MTERF3: variants seen among roughly 807,000 people sequenced by gnomAD.
The protein encoded by MTERF3 is transcription termination factor 3, mitochondrial.
In MTERF3, 40 loss-of-function variants were observed where a neutral mutation model predicts 40.5. The observed-to-expected ratio is 0.99, with a 90% CI of 0.77 to 1.29. MTERF3 has a LOEUF of 1.29. Among genes scored for constraint, MTERF3 ranks in the 50% most tolerant of loss-of-function variants. The probability of loss-of-function intolerance (pLI) is 0.00; values close to 1 mark genes in which losing one functional copy is unlikely to be tolerated. For synonymous variants in MTERF3, 158 were observed against 166.6 expected (o/e 0.95, Z 0.40); for missense variants, 452 against 478.2 (o/e 0.95, Z 0.51).
chr8:96,245,922 G>C lies in MTERF3; in HGVS notation c.835C>G (p.Leu279Val), dbSNP rs1269893515. ...AGCAGCCTTGGGAGACGAACTACCA[G>C]ATCTCTAGTCTGTGGTTGCAAACAA... is the stretch of plus-strand genomic sequence containing the variant. ...LELSVKKTRD[L>V]VVRLPRLLTG... Residue 279 changes from leucine (L) to valine (V), a missense_variant, in exon 6 of 8, where the codon CTG (leucine) becomes GTG (valine). Physicochemically the swap from Leu to Val is conservative, Grantham distance 32. Transcript: ENST00000287025. 1 of 1,613,784 alleles carries C rather than the reference G, an allele frequency of 6.2e-7. No homozygotes were observed. Among genetic ancestry groups the C allele is most frequent in the Non-Finnish European group, 8.5e-7 (1 of 1,179,892 alleles).
chr8:96,242,634 T>C (rs1809949915), intron 7 of MTERF3, among the ~76,000 whole-genome samples: 1 of 152,212 alleles, frequency 6.6e-6, no homozygotes. Context: ...TTAATACAAA[T>C]AAAGCAATAA....
At position 96,258,174 on chromosome 8, in the gene MTERF3, A is replaced by G. The variant is rs530433664; in HGVS notation, c.334+183T>C. 4.3e-4 allele frequency: 397 copies of G among 919,778 alleles called. 3 individuals are homozygous for G. The African/African-American group carries it at 6.6e-3, about 15-fold the overall frequency. The allele number at this position is 919,778 out of a possible 1,614,324, so 57.0% of individuals were successfully genotyped here. ...ATAAAATAATCTTACACGTTAGCCC[A>G]CAAACTTTTTTTCTTACCAGTAAAA... On this transcript the variant is annotated intron_variant, in intron 2 of 7. Coordinates refer to ENST00000287025, the MANE Select transcript of MTERF3 (RefSeq NM_015942.5).
chr8:96,250,944 A>C lies in MTERF3; in HGVS notation c.639T>G (p.His213Gln), dbSNP rs1810171800. The change falls in exon 4 of 8, where the codon CAT becomes CAG. Residue 213 changes from histidine (H) to glutamine (Q), a missense_variant. Coordinates refer to ENST00000287025, the MANE Select transcript of MTERF3 (RefSeq NM_015942.5). ...NQLGAFLTKN[H>Q]AIFSEDLENL... ...TTTCAAGGTCTTCAGAGAAAATTGC[A>C]TGATTTTTTGTCAGGAATGCTCCCA... is the stretch of plus-strand genomic sequence containing the variant. 1 of 1,609,408 alleles carries C rather than the reference A, an allele frequency of 6.2e-7. No homozygotes were observed. Among genetic ancestry groups the C allele is most frequent in the Non-Finnish European group, 8.5e-7 (1 of 1,178,982 alleles).
At position 96,256,234 on chromosome 8, in the gene MTERF3, A is replaced by G. The variant is rs543672409; in HGVS notation, c.487+728T>C. Among the ~76,000 whole-genome samples, 201 of 152,360 alleles carry G rather than the reference A, an allele frequency of 1.3e-3. 1 individual carries two copies. The highest frequency in any genetic ancestry group is 2.4e-3 in the Admixed American group (36 of 15,306). On this transcript the variant is annotated intron_variant, in intron 3 of 7. Coordinates refer to ENST00000287025, the MANE Select transcript of MTERF3 (RefSeq NM_015942.5). ...AGATCCAAGTGCAACCTAATGGTCAACAAGTGAAGGCAGCTATAGAGTAGG... is the reference window on the plus strand; with the variant it reads ...AGATCCAAGTGCAACCTAATGGTCAGCAAGTGAAGGCAGCTATAGAGTAGG...
rs1809977341 is a variant in MTERF3, at chr8:96,244,045, T to A, written c.933A>T (p.Glu311Asp). 8.1e-6 allele frequency: 13 copies of A among 1,613,718 alleles called. No homozygotes were observed. The East Asian group carries it at 2.9e-4, about 36-fold the overall frequency. The part of the protein sequence containing the change: ...YRLELGFKHN[E>D]IQHMITRIPK... ...GGATTCTGGTGATCATATGTTGAAT[T>A]TCGTTATGTTTAAAACCAAGTTCAA... The change falls in exon 7 of 8, where the codon GAA (glutamate) becomes GAT (aspartate). Residue 311 changes from glutamate (E) to aspartate (D), a missense_variant. Glu to Asp is a conservative substitution (Grantham distance 45). Transcript: ENST00000287025.
chr8:96,245,487 T>G (rs1810004435), intron 6 of MTERF3, among the ~76,000 whole-genome samples: 1 of 152,190 alleles, frequency 6.6e-6, no homozygotes, highest in African/African-American at 2.4e-5. Context: ...ATACACAGAC[T>G]GTCATGCTGG....
At chr8:96,249,140 G>C (rs1810075798) in intron 4 of MTERF3, among the ~76,000 whole-genome samples, 1 of 152,208 alleles carries the variant, frequency 6.6e-6, no homozygotes, top group Admixed American at 6.5e-5. Flanking sequence ...TAAATGTAGA[G>C]ACAGTGTGTA....
chr8:96,251,050 A>G lies in MTERF3; in HGVS notation c.533T>C (p.Leu178Pro), dbSNP rs776135078. The G allele has an allele frequency of 1.3e-6, 2 of 1,594,214 alleles. No homozygotes were observed. Among genetic ancestry groups the G allele is most frequent in the Non-Finnish European group, 1.7e-6 (2 of 1,175,294 alleles). The change falls in exon 4 of 8, where the codon CTC (leucine) becomes CCC (proline). Residue 178 changes from leucine (L) to proline (P), a missense_variant. Physicochemically the swap from Leu to Pro is moderately conservative, Grantham distance 98 (BLOSUM62 -3). Coordinates refer to ENST00000287025, the MANE Select transcript of MTERF3 (RefSeq NM_015942.5). ...TTTTTCAAAATCCAGTCTCAGAAGGAGGTTTGCTGCTTCTGGATGTTTTTC... is the reference window on the plus strand; with the variant it reads ...TTTTTCAAAATCCAGTCTCAGAAGGGGGTTTGCTGCTTCTGGATGTTTTTC... ...KIEKHPEAAN[L>P]LLRLDFEKDI...
intron 2 of MTERF3, 155 bp from the exon 3 acceptor site, chr8:96,257,269 A>G: frequency 1.5e-6 from 1 of 687,756 alleles, no homozygotes; most frequent in Non-Finnish European, 2.3e-6. Context: ...ACCTTTTAAG[A>G]GGTAAGGTTA....
rs1423256451 is a variant in MTERF3, at chr8:96,239,630, A to C, written c.1115T>G (p.Leu372Ter). The C allele has an allele frequency of 6.2e-7, 1 of 1,608,734 alleles. No individual in the cohort carries two copies. The change falls in exon 8 of 8, where the codon TTA becomes TGA. Residue 372 changes from leucine to a stop codon, truncating the protein, a stop_gained. Coordinates refer to ENST00000287025, the MANE Select transcript of MTERF3 (RefSeq NM_015942.5). LOFTEE classifies it high-confidence loss of function. ...TGCTGGATCATACTGTGCTCTTCCT[A>C]AATAGGTAAGAAACAAGTGTCTTTC... is the stretch of plus-strand genomic sequence containing the variant. ...VKERHLFLTY[L>*]GRAQYDPAKP... is the part of the protein sequence containing the mutation.
chr8:96,256,675 T>C (rs1810285141), intron 3 of MTERF3, among the ~76,000 whole-genome samples: 1 of 152,156 alleles, frequency 6.6e-6, no homozygotes, highest in Admixed American at 6.5e-5. Flanking sequence ...AAATGATGTC[T>C]AAAACTGATG....
At chr8:96,244,805 C>T (rs1290584365) in intron 6 of MTERF3, among the ~76,000 whole-genome samples, 1 of 152,106 alleles carries the variant, frequency 6.6e-6, no homozygotes, top group African/African-American at 2.4e-5. Context: ...ATTTCAAACC[C>T]CTCTGCTGAG....
chr8:96,255,739 T>C (rs1022758823), intron 3 of MTERF3, among the ~76,000 whole-genome samples: 2 of 151,150 alleles, frequency 1.3e-5, no homozygotes, highest in Middle Eastern at 3.2e-3. Context: ...CTCCCAAAAA[T>C]ATGGGGAATG....
rs370070651 is a variant in MTERF3 at position 96,251,075 on chromosome 8, C to G, written c.508G>C (p.Glu170Gln). 1 of 1,582,002 alleles carries G rather than the reference C, an allele frequency of 6.3e-7. No homozygotes were observed. Among genetic ancestry groups the G allele is most frequent in the Non-Finnish European group, 8.5e-7 (1 of 1,172,310 alleles). Residue 170 changes from glutamate (E) to glutamine (Q), a missense_variant, in exon 4 of 8, where the codon GAA (glutamate) becomes CAA (glutamine). Physicochemically the swap from Glu to Gln is conservative, Grantham distance 29. Coordinates refer to ENST00000287025, the MANE Select transcript of MTERF3 (RefSeq NM_015942.5). ...VLLGVDLSKI[E>Q]KHPEAANLLL... ...AGGTTTGCTGCTTCTGGATGTTTTT[C>G]TATCTTGGACAAATCCACGCCTATA... is the stretch of plus-strand genomic sequence containing the variant.
At chr8:96,245,059 A>G (rs535715035) in intron 6 of MTERF3, among the ~76,000 whole-genome samples, 65 of 152,294 alleles carry the variant, frequency 4.3e-4, no homozygotes, top group African/African-American at 1.5e-3. Context: ...AACCAAACAC[A>G]GGCCGGGTCC....
intron 4 of MTERF3, among the ~76,000 whole-genome samples, chr8:96,249,781 A>C (rs780793407): frequency 6.6e-6 from 1 of 152,254 alleles, no homozygotes; most frequent in South Asian, 2.1e-4. Context: ...TAGTCAAAGC[A>C]AAGATTCAGA....
intron 4 of MTERF3, among the ~76,000 whole-genome samples, chr8:96,249,052 G>A (rs565493206): frequency 1.4e-4 from 22 of 152,310 alleles, no homozygotes; most frequent in South Asian, 8.3e-4. Context: ...TGCTACCGAC[G>A]TGAGAATATT....
intron 1 of MTERF3, among the ~76,000 whole-genome samples, chr8:96,259,576 G>C (rs1810342025): frequency 6.6e-6 from 1 of 152,186 alleles, no homozygotes; most frequent in Admixed American, 6.5e-5. Flanking sequence ...AATTAGAAAG[G>C]TAAATTTGAT....
chr8:96,258,621 C>G lies in MTERF3; in HGVS notation c.70G>C (p.Ala24Pro). Residue 24 changes from alanine to proline, a missense_variant, in exon 2 of 8, where the codon GCA (alanine) becomes CCA (proline). Coordinates refer to ENST00000287025, the MANE Select transcript of MTERF3 (RefSeq NM_015942.5). ...CTAGTAAAACGTTTTGTGAGTTGTG[C>G]AGCATTAATGAGGCTCCTCAACTTA... ...SVKLRSLINAAQLTKRFTRPA... is the reference protein window; with the variant it reads ...SVKLRSLINAPQLTKRFTRPA... The G allele has an allele frequency of 6.2e-7, 1 of 1,614,086 alleles. No individual in the cohort carries two copies. The highest frequency in any genetic ancestry group is 8.5e-7 in the Non-Finnish European group (1 of 1,179,974).
Sources: gnomAD v4.1 joint callset for allele counts (sites outside exome capture counted in the v4.1 genomes callset) on GRCh38, gnomAD v4.1.1 for gene constraint, MANE v1.5 for transcripts, NCBI Gene and HGNC (gene_info 2026-07-23, HGNC 2026-07-21) for gene names.